The following FTCDNL1 variants were observed in gnomAD, a reference collection of about 807,000 sequenced individuals.
FTCDNL1 encodes formiminotransferase cyclodeaminase N-terminal like.
Under a neutral mutation model 5.9 loss-of-function variants are expected in FTCDNL1, and 11 were observed. That is an observed-to-expected ratio of 1.87 (90% CI 1.18 to 3.10). FTCDNL1 has a LOEUF of 3.10. Ranked by LOEUF, FTCDNL1 falls within the 30% of genes most tolerant of loss-of-function variation. The probability of loss-of-function intolerance (pLI) is 0.00; values close to 1 mark genes in which losing one functional copy is unlikely to be tolerated. For synonymous variants in FTCDNL1, 58 were observed against 24.8 expected (o/e 2.34, Z -3.99); for missense variants, 115 against 65.5 (o/e 1.76, Z -2.61).
intron 3 of FTCDNL1, among the ~76,000 whole-genome samples, chr2:199,776,629 T>C (rs1186966140): frequency 6.6e-6 from 1 of 152,104 alleles, no homozygotes; most frequent in Non-Finnish European, 1.5e-5. Flanking sequence ...CAAGGGAAGG[T>C]TGGCAGATGA....
chr2:199,760,573 A>G (rs1698223679), exon 4 of FTCDNL1: 1 of 502,600 alleles, frequency 2.0e-6, no homozygotes, highest in Non-Finnish European at 3.6e-6. Context: ...TTTTTATTGT[A>G]TATCTTTAAA....
the FTCDNL1 span, among the ~76,000 whole-genome samples, chr2:199,699,667 C>A: frequency 6.6e-6 from 1 of 152,028 alleles, no homozygotes; most frequent in Non-Finnish European, 1.5e-5. Flanking sequence ...ACTAACAAAC[C>A]AAATCCAGTA....
chr2:199,775,217 T>A (rs112544124), intron 3 of FTCDNL1, among the ~76,000 whole-genome samples: 2,569 of 152,326 alleles, frequency 0.017, 29 homozygotes, highest in Middle Eastern at 0.024. Context: ...AACCCCTGTT[T>A]TGGAGAACGT....
intron 3 of FTCDNL1, among the ~76,000 whole-genome samples, chr2:199,765,202 A>C (rs1029463047): frequency 6.6e-6 from 1 of 152,166 alleles, no homozygotes; most frequent in Non-Finnish European, 1.5e-5. Context: ...GTCAAAACCC[A>C]TGGACTGTAC....
chr2:199,793,108 A>G (rs1347409194), intron 3 of FTCDNL1, among the ~76,000 whole-genome samples: 2 of 152,186 alleles, frequency 1.3e-5, no homozygotes, highest in Non-Finnish European at 2.9e-5. Context: ...CTCCTACTAG[A>G]AACAGCTCTT....
chr2:199,802,949 T>C (rs1231831379), intron 3 of FTCDNL1, among the ~76,000 whole-genome samples: 1 of 151,918 alleles, frequency 6.6e-6, no homozygotes, highest in African/African-American at 2.4e-5. Context: ...TTTGGGAGGC[T>C]GAGGTAGGAA....
At chr2:199,689,808 T>C in the FTCDNL1 span, among the ~76,000 whole-genome samples, 3 of 79,832 alleles carry the variant, frequency 3.8e-5, no homozygotes, top group Admixed American at 1.4e-4. Context: ...AGAAACTCCG[T>C]CTAAAAAAAA....
At chr2:199,803,302 C>A (rs1051573323) in intron 3 of FTCDNL1, among the ~76,000 whole-genome samples, 19 of 151,518 alleles carry the variant, frequency 1.3e-4, no homozygotes, top group African/African-American at 4.6e-4. Context: ...CCTGAGTGGA[C>A]CATCCTATAA....
the FTCDNL1 span, among the ~76,000 whole-genome samples, chr2:199,750,299 A>G: frequency 6.6e-6 from 1 of 151,974 alleles, no homozygotes; most frequent in Non-Finnish European, 1.5e-5. Context: ...TGGAGGGTGC[A>G]ATGAGCTATT....
At chr2:199,693,821 G>T in the FTCDNL1 span, among the ~76,000 whole-genome samples, 1 of 152,198 alleles carries the variant, frequency 6.6e-6, no homozygotes, top group Non-Finnish European at 1.5e-5. Context: ...CTTAGAGAAT[G>T]ATCAGGTACA....
the FTCDNL1 span, among the ~76,000 whole-genome samples, chr2:199,706,056 T>C: frequency 6.6e-6 from 1 of 152,180 alleles, no homozygotes; most frequent in Non-Finnish European, 1.5e-5. Context: ...GATCTCCATG[T>C]TTTCTGTCCT....
At chr2:199,832,787 G>A (rs1702458002) in intron 3 of FTCDNL1, among the ~76,000 whole-genome samples, 1 of 152,078 alleles carries the variant, frequency 6.6e-6, no homozygotes, top group African/African-American at 2.4e-5. Flanking sequence ...AGGAGGCAGA[G>A]GACCTGGGGC....
chr2:199,828,262 T>G (rs1277879723), intron 3 of FTCDNL1, among the ~76,000 whole-genome samples: 2 of 152,240 alleles, frequency 1.3e-5, no homozygotes, highest in African/African-American at 2.4e-5. Flanking sequence ...ATTTTATATT[T>G]TGATTTTCTC....
In FTCDNL1 at chr2:199,822,006, G is replaced by T. The variant is rs951382223; in HGVS notation, c.212-2249C>A. On this transcript the variant is annotated intron_variant, in intron 3 of 4. Coordinates refer to ENST00000420128, the MANE Select transcript of FTCDNL1 (RefSeq NM_001363886.2). ...ATAAAGCAAGTCACATAAATTTTTT[G>T]GTTTCCCAGTGCATATAAAAGTTAT... Among the ~76,000 whole-genome samples the T allele has an allele frequency of 2.0e-5, 3 of 152,214 alleles. No individual in the cohort carries two copies. The East Asian group carries it at 5.8e-4, about 29-fold the overall frequency.
chr2:199,807,703 A>G (rs1173723725), downstream of FTCDNL1, among the ~76,000 whole-genome samples: 5 of 152,228 alleles, frequency 3.3e-5, no homozygotes, highest in Non-Finnish European at 7.3e-5. Flanking sequence ...TAGCTGGATC[A>G]AAGGCCACAT....
chr2:199,698,640 A>T, the FTCDNL1 span, among the ~76,000 whole-genome samples: 1 of 152,218 alleles, frequency 6.6e-6, no homozygotes, highest in Non-Finnish European at 1.5e-5. Flanking sequence ...TTGAGAAGGA[A>T]ATTTATAGTG....
intron 3 of FTCDNL1, among the ~76,000 whole-genome samples, chr2:199,840,558 TA>T (rs1252294775): frequency 6.6e-6 from 1 of 152,044 alleles, no homozygotes; most frequent in Non-Finnish European, 1.5e-5. Context: ...AGTCAATAGA[TA>T]ATGCCTAAAA....
the FTCDNL1 span, among the ~76,000 whole-genome samples, chr2:199,729,021 T>C: frequency 2.0e-5 from 3 of 152,148 alleles, no homozygotes; most frequent in Non-Finnish European, 4.4e-5. Flanking sequence ...ATGGGTCGAC[T>C]ATACAATACT....
intron 3 of FTCDNL1, among the ~76,000 whole-genome samples, chr2:199,767,393 T>C (rs970290234): frequency 6.6e-6 from 1 of 152,226 alleles, no homozygotes; most frequent in Non-Finnish European, 1.5e-5. Context: ...GTTATCATCT[T>C]ACTTTATTTG....
Sources: allele counts gnomAD v4.1 joint callset (sites outside exome capture counted in the v4.1 genomes callset), GRCh38; gene constraint gnomAD v4.1.1; transcripts MANE v1.5; gene names NCBI Gene and HGNC (gene_info 2026-07-23, HGNC 2026-07-21).